Variants in SPATA13 observed in about 807,000 individuals in gnomAD.
SPATA13 encodes the protein spermatogenesis-associated protein 13.
SPATA13 carries 50 observed loss-of-function variants against 104.0 expected under a neutral mutation model. That is an observed-to-expected ratio of 0.48 (90% CI 0.38 to 0.61). The LOEUF is 0.61. SPATA13 is among the 20% of genes least tolerant of loss of function. The pLI is 0.00. For synonymous variants in SPATA13, 606 were observed against 667.5 expected, an observed-to-expected ratio of 0.91 and a Z score of 1.42; for missense variants, 1,524 against 1,690.6, an observed-to-expected ratio of 0.90 and a Z score of 1.73.
rs540759917 is a variant in SPATA13 at position 23,998,412 on chromosome 13, A to G, written c.-147+14479A>G. ...CTATCCAAATCTTTTGTCCATTTTT[A>G]TCAGGTTGTTTTCATGTTATTGCAG... On this transcript the variant is annotated intron_variant, in intron 2 of 14. Transcript: ENST00000424834. Among the ~76,000 whole-genome samples the G allele has an allele frequency of 1.8e-3, 273 of 152,178 alleles. 2 individuals are homozygous for G. In the South Asian group the frequency reaches 0.035, roughly 19 times the overall value.
chr13:24,245,160 C>G (rs187021792), intron 2 of SPATA13, among the ~76,000 whole-genome samples: 1 of 152,114 alleles, frequency 6.6e-6, no homozygotes. Flanking sequence ...GAGTTAGGCT[C>G]TCACTTGTTT....
In SPATA13 at chr13:24,224,491, C is replaced by T. The variant is rs1485633698; in HGVS notation, c.1562C>T (p.Pro521Leu). ...CCAGGGCCTGTGTCCTTGCAGGATC[C>T]CCTGGAAGCCACACATGGTGATGAG... ...REPGPVSLQDPLEATHGDEGS... is the reference protein window; with the variant it reads ...REPGPVSLQDLLEATHGDEGS... Residue 521 changes from proline (P) to leucine (L), a missense_variant, in exon 2 of 13, where the codon CCC (proline) becomes CTC (leucine). Physicochemically the swap from Pro to Leu is moderately conservative, Grantham distance 98 (BLOSUM62 -3). Around this residue, in one of 2 missense-constraint regions of SPATA13, gnomAD observed 1,089 missense variants for 1,135.9 expected, o/e 0.96. Transcript: ENST00000382108. 19 of 1,550,460 alleles carry T rather than the reference C, an allele frequency of 1.2e-5. No homozygotes were observed. The highest frequency in any genetic ancestry group is 1.7e-5 in the Non-Finnish European group (19 of 1,146,998).
chr13:24,239,246 A>C (rs942050915), intron 2 of SPATA13, among the ~76,000 whole-genome samples: 1 of 152,162 alleles, frequency 6.6e-6, no homozygotes, highest in Non-Finnish European at 1.5e-5. Flanking sequence ...TGATGGAGGA[A>C]ATAGGGACGG....
intron 3 of SPATA13, among the ~76,000 whole-genome samples, chr13:24,129,417 C>A (rs769640981): frequency 6.6e-6 from 1 of 152,200 alleles, no homozygotes; most frequent in Non-Finnish European, 1.5e-5. Flanking sequence ...TCCAGAGAAT[C>A]GTTGAGGATG....
At chr13:24,083,461 C>G (rs1230337710) in intron 3 of SPATA13, among the ~76,000 whole-genome samples, 1 of 152,180 alleles carries the variant, frequency 6.6e-6, no homozygotes, top group Non-Finnish European at 1.5e-5. Flanking sequence ...GATCAGACCA[C>G]ATTAACCAGG....
intron 4 of SPATA13, among the ~76,000 whole-genome samples, chr13:24,269,966 C>T (rs931652114): frequency 6.6e-6 from 1 of 151,850 alleles, no homozygotes; most frequent in African/African-American, 2.4e-5. Context: ...AAGCAATCCT[C>T]CTGCGTCATC....
intron 2 of SPATA13, among the ~76,000 whole-genome samples, chr13:24,241,491 A>C (rs890729007): frequency 1.3e-5 from 2 of 152,232 alleles, no homozygotes; most frequent in Non-Finnish European, 2.9e-5. Context: ...GTCAGAGGCC[A>C]TCCCTCCTGT....
At chr13:24,123,385 T>G in intron 3 of SPATA13, 2 of 1,279,890 alleles carry the variant, frequency 1.6e-6, no homozygotes, top group Non-Finnish European at 2.3e-6. Context: ...CTTGCTCTCA[T>G]GTAGCCTAGT....
At chr13:24,126,803 T>C (rs545408001) in intron 3 of SPATA13, among the ~76,000 whole-genome samples, 1 of 152,300 alleles carries the variant, frequency 6.6e-6, no homozygotes, top group Admixed American at 6.5e-5. Context: ...GAGATCCACC[T>C]GCCTTGGCCT....
chr13:24,224,313 A>C lies in SPATA13; in HGVS notation c.1384A>C (p.Thr462Pro), dbSNP rs1871799703. ...GACATTTGACCCTGAGCAGCCTCCC[A>C]CCCCTCTAAGGCCCACCACACCCAA... ...QLTFDPEQPP[T>P]PLRPTTPKPQ... is the part of the protein sequence containing the mutation. Residue 462 changes from threonine to proline, a missense_variant, in exon 2 of 13, where the codon ACC becomes CCC. Physicochemically the swap from Thr to Pro is conservative, Grantham distance 38 (BLOSUM62 -1). Coordinates refer to ENST00000382108, the MANE Select transcript of SPATA13 (RefSeq NM_001166271.3). 1.9e-6 allele frequency: 3 copies of C among 1,551,038 alleles called. No homozygotes were observed. Among genetic ancestry groups the C allele is most frequent in the South Asian group, 1.2e-5 (1 of 84,004 alleles).
At chr13:24,202,857 G>A (rs911210612) in intron 1 of SPATA13, among the ~76,000 whole-genome samples, 1 of 152,102 alleles carries the variant, frequency 6.6e-6, no homozygotes, top group Non-Finnish European at 1.5e-5. Flanking sequence ...GGCATCATAC[G>A]GAAGCATTCC....
At chr13:24,130,298 A>G (rs1446638682) in intron 3 of SPATA13, among the ~76,000 whole-genome samples, 2 of 152,190 alleles carry the variant, frequency 1.3e-5, no homozygotes, top group Non-Finnish European at 2.9e-5. Context: ...AGCAGAGCCC[A>G]GTTCTTCTCG....
intron 2 of SPATA13, among the ~76,000 whole-genome samples, chr13:23,997,240 T>C (rs1021729868): frequency 2.0e-5 from 3 of 152,222 alleles, no homozygotes; most frequent in Non-Finnish European, 4.4e-5. Flanking sequence ...AATGCACATA[T>C]TGAAAGTGTA....
chr13:24,169,038 A>G (rs1882856949), intron 1 of SPATA13, among the ~76,000 whole-genome samples: 1 of 152,224 alleles, frequency 6.6e-6, no homozygotes, highest in Admixed American at 6.5e-5. Context: ...CAAATCTAAA[A>G]TCCCCAGAGT....
intron 3 of SPATA13, among the ~76,000 whole-genome samples, chr13:24,040,758 A>T (rs1047680933): frequency 2.6e-5 from 4 of 152,158 alleles, no homozygotes; most frequent in Non-Finnish European, 5.9e-5. Flanking sequence ...CCAACTTTAG[A>T]TTTTTTAGTA....
chr13:24,029,539 T>C (rs928494977), intron 3 of SPATA13, among the ~76,000 whole-genome samples: 2 of 152,212 alleles, frequency 1.3e-5, no homozygotes, highest in East Asian at 1.9e-4. Flanking sequence ...TCAAATAAAC[T>C]GGGGACCCTG....
intron 3 of SPATA13, among the ~76,000 whole-genome samples, chr13:24,113,884 A>T (rs1449417193): frequency 6.6e-6 from 1 of 151,660 alleles, no homozygotes; most frequent in Non-Finnish European, 1.5e-5. Context: ...AAAAAAAAAA[A>T]AAAAAAGAAA....
At chr13:24,093,930 C>G (rs1017475400) in intron 3 of SPATA13, among the ~76,000 whole-genome samples, 1 of 144,872 alleles carries the variant, frequency 6.9e-6, no homozygotes, top group African/African-American at 2.5e-5. Context: ...GACTATATAC[C>G]TCAGGCCTCT....
At chr13:23,999,955 C>T (rs555969663) in intron 2 of SPATA13, among the ~76,000 whole-genome samples, 31 of 152,302 alleles carry the variant, frequency 2.0e-4, no homozygotes, top group African/African-American at 7.5e-4. Context: ...ACTTGCCAGG[C>T]CTGAAAGACA....
Sources: allele counts gnomAD v4.1 joint callset (sites outside exome capture counted in the v4.1 genomes callset), GRCh38; gene constraint gnomAD v4.1.1; regional missense constraint gnomAD v4.1.1; transcripts MANE v1.5; gene names NCBI Gene and HGNC (gene_info 2026-07-23, HGNC 2026-07-21).